Variants in TVP23B observed in about 807,000 individuals in gnomAD.
TVP23B encodes the protein trans-golgi network vesicle protein 23 homolog B, also known as Golgi apparatus membrane protein TVP23 homolog B.
A neutral mutation model predicts 30.6 loss-of-function variants in TVP23B; 10 were observed. The observed-to-expected ratio is 0.33, with a 90% confidence interval of 0.20 to 0.55. The LOEUF (loss-of-function observed/expected upper bound fraction) is 0.55, where lower values mean the gene tolerates loss of function less well. Among genes scored for constraint, TVP23B ranks in the 20% least tolerant of loss-of-function variants. The probability of loss-of-function intolerance (pLI) is 0.91; values close to 1 mark genes in which losing one functional copy is unlikely to be tolerated. For missense variants in TVP23B, 153 were observed against 243.2 expected (o/e 0.63, Z 2.47); for synonymous variants, 67 against 83.1 (o/e 0.81, Z 1.06).
At chr17:18,801,361 T>C (rs1339044985) in intron 5 of TVP23B, among the ~76,000 whole-genome samples, 2 of 152,090 alleles carry the variant, frequency 1.3e-5, no homozygotes, top group Non-Finnish European at 2.9e-5. Context: ...TTTTTCCTTA[T>C]CCATTTTGCT....
intron 3 of TVP23B, among the ~76,000 whole-genome samples, chr17:18,795,330 A>G (rs2036061800): frequency 6.6e-6 from 1 of 152,056 alleles, no homozygotes; most frequent in Admixed American, 6.6e-5. Flanking sequence ...CCACTCCCCA[A>G]AAGCTCTTCT....
At chr17:18,799,090 A>G (rs1198428196) in intron 5 of TVP23B, 147 bp downstream of exon 5, 24 of 906,282 alleles carry the variant, frequency 2.6e-5, no homozygotes, top group Non-Finnish European at 3.4e-5. Flanking sequence ...TTGCTTCCCA[A>G]CTTTACCTTT....
rs527966173 is a variant in TVP23B at position 18,801,957 on chromosome 17, C to T, written c.463-2181C>T. Among the ~76,000 whole-genome samples, 3 of 152,306 alleles carry T rather than the reference C, an allele frequency of 2.0e-5. No individual in the cohort carries two copies. In the East Asian group the frequency reaches 5.8e-4, roughly 29 times the overall value. ...GGGTTAAGACCTCGGCATGGTGGCTCATGCCTGTAATCCCAGCACTTTGGG... is the reference window on the plus strand; with the variant it reads ...GGGTTAAGACCTCGGCATGGTGGCTTATGCCTGTAATCCCAGCACTTTGGG... On this transcript the variant is annotated intron_variant, in intron 5 of 6. Coordinates refer to ENST00000307767, the MANE Select transcript of TVP23B (RefSeq NM_016078.6).
intron 1 of TVP23B, among the ~76,000 whole-genome samples, chr17:18,786,728 AT>A (rs1333164094): frequency 8.5e-5 from 13 of 152,102 alleles, no homozygotes; most frequent in African/African-American, 2.7e-4. Flanking sequence ...ATAGATCTGA[AT>A]CCATTTTACC....
chr17:18,801,151 G>C (rs1228551780), intron 5 of TVP23B, among the ~76,000 whole-genome samples: 2 of 152,162 alleles, frequency 1.3e-5, no homozygotes, highest in Non-Finnish European at 2.9e-5. Flanking sequence ...AGCTTTGTCA[G>C]CTCCGTTTTC....
In TVP23B at chr17:18,800,946, C is replaced by T. The variant is rs556072039; in HGVS notation, c.462+2003C>T. Among the ~76,000 whole-genome samples, 4 of 152,248 alleles carry T rather than the reference C, an allele frequency of 2.6e-5. No individual in the cohort carries two copies. In the East Asian group the frequency reaches 7.7e-4, roughly 29 times the overall value. ...CTTATGTCAGAGCTGTCTGGAGACACAGGGGGATAAGTTAGGGGACAGTAA... is the reference window on the plus strand; with the variant it reads ...CTTATGTCAGAGCTGTCTGGAGACATAGGGGGATAAGTTAGGGGACAGTAA... On this transcript the variant is annotated intron_variant, in intron 5 of 6. Transcript: ENST00000307767.
intron 6 of TVP23B, among the ~76,000 whole-genome samples, chr17:18,805,078 CTTTTT>C (rs71155360): frequency 9.2e-5 from 10 of 108,752 alleles, no homozygotes; most frequent in African/African-American, 3.0e-4. Context: ...GTGACTAGGT[CTTTTT>C]TTTTTTTTTT....
At chr17:18,783,396 AG>A (rs758421209) in intron 1 of TVP23B, among the ~76,000 whole-genome samples, 5 of 152,214 alleles carry the variant, frequency 3.3e-5, no homozygotes, top group Non-Finnish European at 7.4e-5. Flanking sequence ...GTGAGCCGCC[AG>A]GCCCGGCCGA....
intron 1 of TVP23B, among the ~76,000 whole-genome samples, chr17:18,783,267 G>T (rs1288903388): frequency 2.0e-5 from 3 of 151,926 alleles, no homozygotes; most frequent in Non-Finnish European, 4.4e-5. Context: ...CACCACGCCC[G>T]GCTAATTTTT....
rs571205660 is a variant in TVP23B at position 18,783,638 on chromosome 17, T to A, written c.12+2333T>A. On this transcript the variant is annotated intron_variant, in intron 1 of 6. Transcript: ENST00000307767. ...TTTTCACACTAGCTGCCTAGTTGCA[T>A]GTTTACTCAGGGTCTCATATTCTTT... 3.3e-5 allele frequency among the ~76,000 whole-genome samples: 5 copies of A among 152,338 alleles called. No individual in the cohort carries two copies. In the East Asian group the frequency reaches 9.6e-4, roughly 29 times the overall value.
chr17:18,791,196 T>G (rs2035988727), intron 3 of TVP23B, among the ~76,000 whole-genome samples, 156 bp downstream of exon 3: 1 of 145,540 alleles, frequency 6.9e-6, no homozygotes, highest in Non-Finnish European at 1.5e-5. Context: ...AGTTTTTTTT[T>G]TTTTTTTTTT....
At chr17:18,803,076 A>G (rs999115128) in intron 5 of TVP23B, among the ~76,000 whole-genome samples, 10 of 152,204 alleles carry the variant, frequency 6.6e-5, no homozygotes, top group Non-Finnish European at 1.5e-4. Flanking sequence ...CATTAAAATC[A>G]GCTATACATC....
chr17:18,800,900 C>T (rs1334347031), intron 5 of TVP23B, among the ~76,000 whole-genome samples: 3 of 152,026 alleles, frequency 2.0e-5, no homozygotes, highest in Admixed American at 1.3e-4. Context: ...CTTATTTATT[C>T]AGCAATTTTA....
chr17:18,799,853 T>A (rs1028738925), intron 5 of TVP23B, among the ~76,000 whole-genome samples: 6 of 152,184 alleles, frequency 3.9e-5, no homozygotes, highest in Admixed American at 3.3e-4. Context: ...TTCTTAGTCC[T>A]ATTTTGCGAT....
intron 4 of TVP23B, among the ~76,000 whole-genome samples, chr17:18,798,217 C>T (rs893007687): frequency 2.6e-5 from 4 of 152,158 alleles, no homozygotes; most frequent in Non-Finnish European, 4.4e-5. Flanking sequence ...GTTTTGGAAG[C>T]AGAGGACCAA....
intron 1 of TVP23B, among the ~76,000 whole-genome samples, chr17:18,786,079 A>C (rs1437156931): frequency 6.6e-6 from 1 of 152,202 alleles, no homozygotes; most frequent in Non-Finnish European, 1.5e-5. Flanking sequence ...AGCCTCTTCA[A>C]ATCTCTGTCT....
intron 6 of TVP23B, chr17:18,804,491 A>G (rs2036218431): frequency 8.1e-7 from 1 of 1,234,024 alleles, no homozygotes; most frequent in East Asian, 3.3e-5. Flanking sequence ...ACTATCATTG[A>G]TAATAACTTA....
chr17:18,788,330 C>CAAAAA lies in TVP23B; in HGVS notation c.13-1008_13-1004dup, dbSNP rs961283447. Among the ~76,000 whole-genome samples the CAAAAA allele has an allele frequency of 6.3e-3, 423 of 67,010 alleles. 18 individuals are homozygous for CAAAAA. The highest frequency in any genetic ancestry group is 9.3e-3 in the Non-Finnish European group (343 of 36,790). 44.0% of individuals were successfully genotyped at this position (67,010 alleles called of 152,430 possible). A position where few individuals can be genotyped will look rare whatever the true frequency, so the allele number is the denominator to read the frequency against. Reference sequence around the variant, plus strand: ...TGAGCGACAGAGCAAGACTCCATCTCAAAAAAAAAAAAAAAAAAAGCCTAA... The same window carrying CAAAAA: ...TGAGCGACAGAGCAAGACTCCATCTCAAAAAAAAAAAAAAAAAAAAAAAAGCCTAA... On this transcript the variant is annotated intron_variant, in intron 1 of 6. Coordinates refer to ENST00000307767, the MANE Select transcript of TVP23B (RefSeq NM_016078.6).
Position 18,805,587 on chromosome 17 carries a change from T to C in TVP23B, c.*20T>C. 1 of 1,605,502 alleles carries C rather than the reference T, an allele frequency of 6.2e-7. No homozygotes were observed. Among genetic ancestry groups the C allele is most frequent in the Non-Finnish European group, 8.5e-7 (1 of 1,177,450 alleles). On this transcript the variant is annotated 3_prime_UTR_variant, in exon 7 of 7. Coordinates refer to ENST00000307767, the MANE Select transcript of TVP23B (RefSeq NM_016078.6). ...TCCTGAATAGAGAAAGCTTATGTGC[T>C]TTGTTACATTGGGGAACAACTGAAG...
Sources: allele counts gnomAD v4.1 joint callset (sites outside exome capture counted in the v4.1 genomes callset), GRCh38; gene constraint gnomAD v4.1.1; transcripts MANE v1.5; gene names NCBI Gene and HGNC (gene_info 2026-07-23, HGNC 2026-07-21).